The following MLLT3 variants were observed in gnomAD, a reference collection of about 807,000 sequenced individuals.
MLLT3 encodes protein AF-9.
Under a neutral mutation model 53.2 loss-of-function variants are expected in MLLT3, and 4 were observed. The observed-to-expected ratio is 0.08, with a 90% CI of 0.04 to 0.17. The LOEUF is 0.17. Ranked by LOEUF, MLLT3 falls within the 10% of genes least tolerant of loss-of-function variation. The pLI is 1.00. For missense variants in MLLT3, 569 were observed against 684.0 expected (o/e 0.83, Z 1.87); for synonymous variants, 283 against 230.6 (o/e 1.23, Z -2.06).
At chr9:20,468,957 A>ATATT (rs1824303751) in intron 2 of MLLT3, among the ~76,000 whole-genome samples, 2 of 152,232 alleles carry the variant, frequency 1.3e-5, no homozygotes. Flanking sequence ...TGTTTTAAAT[A>ATATT]TATTTGGTAA....
rs201715556 is a variant in MLLT3, at chr9:20,360,734, C to A, written c.1431+8G>T. Reference sequence around the variant, plus strand: ...AGAGTCTTGCAAAGTGCAAACCCCACAATTTACCTGGTTGTTGTTGGTTTT... The same window carrying A: ...AGAGTCTTGCAAAGTGCAAACCCCAAAATTTACCTGGTTGTTGTTGGTTTT... On this transcript the variant is annotated splice_region_variant and intron_variant, in intron 8 of 10. Coordinates refer to ENST00000380338, the MANE Select transcript of MLLT3 (RefSeq NM_004529.4). 175 of 1,611,996 alleles carry A rather than the reference C, an allele frequency of 1.1e-4. No individual in the cohort carries two copies. Among genetic ancestry groups the A allele is most frequent in the Non-Finnish European group, 1.5e-4 (173 of 1,178,038 alleles).
At chr9:20,574,614 C>T (rs2131167521) in intron 2 of MLLT3, among the ~76,000 whole-genome samples, 1 of 152,290 alleles carries the variant, frequency 6.6e-6, no homozygotes, top group East Asian at 1.9e-4. Context: ...TAATGATCAT[C>T]TGGGTCTTCT....
At chr9:20,506,229 C>G (rs561987447) in intron 2 of MLLT3, among the ~76,000 whole-genome samples, 3 of 152,002 alleles carry the variant, frequency 2.0e-5, no homozygotes, top group Non-Finnish European at 4.4e-5. Context: ...TAGTTTGAGA[C>G]GAGGTTTCTC....
chr9:20,414,784 G>C (rs933756181), intron 4 of MLLT3, among the ~76,000 whole-genome samples: 11 of 152,276 alleles, frequency 7.2e-5, no homozygotes, highest in Non-Finnish European at 1.6e-4. Context: ...ATCTATGATT[G>C]ATAGATGTTG....
chr9:20,532,166 A>C (rs1224971967), intron 2 of MLLT3, among the ~76,000 whole-genome samples: 1 of 152,178 alleles, frequency 6.6e-6, no homozygotes, highest in Non-Finnish European at 1.5e-5. Context: ...TAAAGTGAAG[A>C]TATTCAACTA....
chr9:20,356,050 T>G (rs935049204), intron 8 of MLLT3, among the ~76,000 whole-genome samples: 1 of 152,166 alleles, frequency 6.6e-6, no homozygotes, highest in African/African-American at 2.4e-5. Flanking sequence ...ATGGGAGAGA[T>G]GAACAAGATA....
At chr9:20,569,200 C>T (rs1255553483) in intron 2 of MLLT3, among the ~76,000 whole-genome samples, 1 of 152,156 alleles carries the variant, frequency 6.6e-6, no homozygotes, top group African/African-American at 2.4e-5. Flanking sequence ...CCAGCATTTA[C>T]AGAATGCTTA....
intron 2 of MLLT3, among the ~76,000 whole-genome samples, chr9:20,547,429 A>G (rs530901741): frequency 6.0e-5 from 9 of 150,382 alleles, no homozygotes; most frequent in Admixed American, 3.3e-4. Context: ...GGATCACCTG[A>G]GGTCAGGAGT....
At chr9:20,454,425 C>A (rs999855822) in intron 3 of MLLT3, among the ~76,000 whole-genome samples, 1 of 152,134 alleles carries the variant, frequency 6.6e-6, no homozygotes, top group African/African-American at 2.4e-5. Flanking sequence ...CAACTCCGAG[C>A]TTGTACAAAT....
chr9:20,430,978 A>G (rs1823253971), intron 4 of MLLT3, among the ~76,000 whole-genome samples: 1 of 152,196 alleles, frequency 6.6e-6, no homozygotes. Context: ...AGCTTCATTA[A>G]TGAACATATA....
At chr9:20,378,073 T>C (rs1216225292) in intron 5 of MLLT3, among the ~76,000 whole-genome samples, 1 of 152,110 alleles carries the variant, frequency 6.6e-6, no homozygotes, top group Non-Finnish European at 1.5e-5. Context: ...AGATAATACA[T>C]AGTAGTAAAA....
intron 2 of MLLT3, among the ~76,000 whole-genome samples, chr9:20,487,283 C>G (rs1563782414): frequency 6.6e-6 from 1 of 152,132 alleles, no homozygotes; most frequent in Non-Finnish European, 1.5e-5. Flanking sequence ...GCAATGGACT[C>G]TGTTTACCTT....
intron 2 of MLLT3, among the ~76,000 whole-genome samples, chr9:20,601,220 T>C (rs1176287992): frequency 2.6e-5 from 4 of 152,120 alleles, no homozygotes; most frequent in African/African-American, 7.2e-5. Context: ...TTCAGAATAT[T>C]CTCCAGGTGA....
At chr9:20,481,465 C>G (rs902347942) in intron 2 of MLLT3, among the ~76,000 whole-genome samples, 10 of 152,134 alleles carry the variant, frequency 6.6e-5, no homozygotes, top group Non-Finnish European at 1.5e-4. Context: ...AAGTCCCACA[C>G]CCCAACATAA....
intron 2 of MLLT3, among the ~76,000 whole-genome samples, chr9:20,498,702 TTCTTCCAA>T (rs1311436983): frequency 6.6e-6 from 1 of 152,206 alleles, no homozygotes; most frequent in Non-Finnish European, 1.5e-5. Flanking sequence ...AAGACAATTC[TTCTTCCAA>T]TGTGGCCCAA....
intron 2 of MLLT3, among the ~76,000 whole-genome samples, chr9:20,584,721 C>A (rs1819903982): frequency 6.6e-6 from 1 of 152,176 alleles, no homozygotes; most frequent in South Asian, 2.1e-4. Context: ...ATTATCTCCC[C>A]CTAGGTCCCT....
At chr9:20,600,499 C>T (rs1820395011) in intron 2 of MLLT3, among the ~76,000 whole-genome samples, 1 of 152,236 alleles carries the variant, frequency 6.6e-6, no homozygotes, top group Admixed American at 6.5e-5. Flanking sequence ...ATGTATCCTT[C>T]TTTTCCCATC....
intron 2 of MLLT3, among the ~76,000 whole-genome samples, chr9:20,606,420 C>G (rs1820572092): frequency 6.6e-6 from 1 of 152,052 alleles, no homozygotes; most frequent in Non-Finnish European, 1.5e-5. Flanking sequence ...GTACCCCCTT[C>G]ACCCACCCGT....
At chr9:20,568,535 T>C (rs544171196) in intron 2 of MLLT3, among the ~76,000 whole-genome samples, 8 of 152,270 alleles carry the variant, frequency 5.3e-5, no homozygotes, top group African/African-American at 1.7e-4. Context: ...GCCATTCTAA[T>C]ACAAGCAAAC....
Sources: gnomAD v4.1 joint callset for allele counts (sites outside exome capture counted in the v4.1 genomes callset) on GRCh38, gnomAD v4.1.1 for gene constraint, MANE v1.5 for transcripts, NCBI Gene and HGNC (gene_info 2026-07-23, HGNC 2026-07-21) for gene names.